TMEM52B: variants seen among roughly 807,000 people sequenced by gnomAD.
The protein encoded by TMEM52B is transmembrane protein 52B.
A neutral mutation model predicts 16.1 loss-of-function variants in TMEM52B; 11 were observed. The ratio of observed to expected loss-of-function variants is 0.68; its 90% CI spans 0.43 to 1.13. The LOEUF (loss-of-function observed/expected upper bound fraction) is 1.13, where lower values mean the gene tolerates loss of function less well. Ranked by LOEUF, TMEM52B falls within the 50% of genes most tolerant of loss-of-function variation. The pLI, the probability that TMEM52B is intolerant of heterozygous loss-of-function variation, is 0.00. For synonymous variants in TMEM52B, 101 were observed against 93.8 expected (o/e 1.08, Z -0.45); for missense variants, 243 against 230.4 (o/e 1.05, Z -0.35).
At chr12:10,171,118 T>A (rs999516510) in intron 1 of TMEM52B, among the ~76,000 whole-genome samples, 2 of 152,228 alleles carry the variant, frequency 1.3e-5, no homozygotes, top group Admixed American at 6.5e-5. Flanking sequence ...CCTATAAATA[T>A]CAGCAGTTTT....
At chr12:10,189,781 T>A in intron 4 of TMEM52B, 115 bp from the exon 5 acceptor site, 1 of 1,416,202 alleles carries the variant, frequency 7.1e-7, no homozygotes, top group Non-Finnish European at 9.5e-7. Context: ...GGAGTGACAA[T>A]GAGTTTGGAT....
intron 4 of TMEM52B, among the ~76,000 whole-genome samples, chr12:10,189,634 A>AG (rs1362562142): frequency 6.7e-6 from 1 of 149,200 alleles, no homozygotes; most frequent in East Asian, 1.9e-4. Flanking sequence ...AAAAAAAAAA[A>AG]AAAAAAAAGA....
chr12:10,186,729 T>C, intron 4 of TMEM52B, 140 bp downstream of exon 4: 5 of 869,448 alleles, frequency 5.8e-6, no homozygotes, highest in Non-Finnish European at 6.3e-6. Context: ...AGAAGCCTGA[T>C]GGTGCAGTGA....
At chr12:10,171,796 TAGTAAATACTC>T (rs1948720866) in intron 1 of TMEM52B, among the ~76,000 whole-genome samples, 1 of 152,240 alleles carries the variant, frequency 6.6e-6, no homozygotes, top group Admixed American at 6.5e-5. Flanking sequence ...GAATAACCTG[TAGTAAATACTC>T]AGTATAAATT....
Position 10,185,331 on chromosome 12 carries a change from T to C in TMEM52B, c.100T>C (p.Cys34Arg). The change falls in exon 3 of 5, where the codon TGC becomes CGC. Residue 34 changes from cysteine (C) to arginine (R), a missense_variant and splice_region_variant. Transcript: ENST00000543484. ...GAAAACTTTATTCTTTCTTTATAGT[T>C]GCCTGACCACAGACTGGGTACATCT... is the stretch of plus-strand genomic sequence containing the variant. The part of the protein sequence containing the change: ...CEENCGNPEH[C>R]LTTDWVHLWY... 1.2e-6 allele frequency: 2 copies of C among 1,603,982 alleles called. No homozygotes were observed. Among genetic ancestry groups the C allele is most frequent in the Non-Finnish European group, 1.7e-6 (2 of 1,170,730 alleles).
intron 4 of TMEM52B, among the ~76,000 whole-genome samples, chr12:10,188,503 AGG>A (rs1565428759): frequency 1.1e-5 from 1 of 94,476 alleles, no homozygotes; most frequent in East Asian, 2.9e-4. Flanking sequence ...GAAGGAAGGA[AGG>A]AAGGAAGGAA....
intron 1 of TMEM52B, chr12:10,172,392 A>C (rs1220356600): frequency 1.9e-5 from 4 of 209,486 alleles, no homozygotes; most frequent in Non-Finnish European, 3.9e-5. Context: ...CACTCTTCAG[A>C]GACAGAAACT....
chr12:10,181,007 A>C (rs190863341), intron 1 of TMEM52B, among the ~76,000 whole-genome samples: 112 of 152,128 alleles, frequency 7.4e-4, no homozygotes, highest in African/African-American at 2.6e-3. Context: ...GGGTTTCACC[A>C]TGTTGGTCAG....
Position 10,190,384 on chromosome 12 carries a change from T to TAGTTAC in TMEM52B, c.*245_*246insGTTACA. The TAGTTAC allele has an allele frequency of 2.1e-6, 1 of 477,364 alleles. No individual in the cohort carries two copies. Among genetic ancestry groups the TAGTTAC allele is most frequent in the Non-Finnish European group, 3.8e-6 (1 of 261,880 alleles). 29.6% of individuals were successfully genotyped at this position (477,364 alleles called of 1,614,324 possible). ...GCAAGTAATCTCTAGCCACACTGAT[T>TAGTTAC]ACTACTAAACCAGGAAAGCATCAAG... On this transcript the variant is annotated 3_prime_UTR_variant, in exon 5 of 5. Transcript: ENST00000543484.
Position 10,190,524 on chromosome 12 carries a change from A to T in TMEM52B, c.*384A>T. The T allele has an allele frequency of 4.3e-6, 1 of 232,414 alleles. No individual in the cohort carries two copies. The highest frequency in any genetic ancestry group is 9.6e-5 in the East Asian group (1 of 10,406). The allele number at this position is 232,414 out of a possible 1,614,324, so 14.4% of individuals were successfully genotyped here. A position where few individuals can be genotyped will look rare whatever the true frequency, so the allele number is the denominator to read the frequency against. On this transcript the variant is annotated 3_prime_UTR_variant, in exon 5 of 5. Transcript: ENST00000543484. The stretch of plus-strand genomic sequence containing the variant: ...CACTGCGGTTAACTGGAAAAGAAAG[A>T]CAACAGTGTCAGCACAGCCATCGAC...
intron 1 of TMEM52B, among the ~76,000 whole-genome samples, chr12:10,171,639 C>A (rs1948718967): frequency 1.3e-5 from 2 of 152,140 alleles, no homozygotes; most frequent in African/African-American, 4.8e-5. Context: ...AGCTCTACCA[C>A]TTATTAGCTC....
chr12:10,180,275 G>GTTTTTTTTTT (rs3053815), intron 1 of TMEM52B, among the ~76,000 whole-genome samples: 1 of 143,016 alleles, frequency 7.0e-6, no homozygotes, highest in Non-Finnish European at 1.5e-5. Flanking sequence ...TGTATGGTTT[G>GTTTTTTTTTT]TTTTTTTTTT....
chr12:10,176,529 G>T (rs1015738817), upstream of TMEM52B, among the ~76,000 whole-genome samples: 1 of 152,150 alleles, frequency 6.6e-6, no homozygotes. Context: ...GGCCAGGCTA[G>T]CAAGGAAAAA....
chr12:10,171,189 C>G (rs1242232679), intron 1 of TMEM52B, among the ~76,000 whole-genome samples: 5 of 152,176 alleles, frequency 3.3e-5, no homozygotes, highest in Non-Finnish European at 7.4e-5. Flanking sequence ...CTTATGTTCT[C>G]TATTGAGAGA....
upstream of TMEM52B, among the ~76,000 whole-genome samples, chr12:10,174,364 C>T (rs1318884075): frequency 6.6e-6 from 1 of 152,166 alleles, no homozygotes; most frequent in Non-Finnish European, 1.5e-5. Context: ...TGCTGGCCTT[C>T]TGTGTCTTCT....
At position 10,179,551 on chromosome 12, in the gene TMEM52B, C is replaced by A; in HGVS notation, c.-24C>A. 1 of 1,614,114 alleles carries A rather than the reference C, an allele frequency of 6.2e-7. No homozygotes were observed. Among genetic ancestry groups the A allele is most frequent in the Non-Finnish European group, 8.5e-7 (1 of 1,179,970 alleles). On this transcript the variant is annotated 5_prime_UTR_variant, in exon 1 of 5. In the 5' UTR this introduces an upstream ATG that the reference lacks. Transcript: ENST00000543484. Reference sequence around the variant, plus strand: ...GGCAACGGATGCCCAGTGCAAGATTCTGAAGAAGCAGGAATTCAGCCCGAT... The same window carrying A: ...GGCAACGGATGCCCAGTGCAAGATTATGAAGAAGCAGGAATTCAGCCCGAT...
chr12:10,187,603 T>A (rs1948896254), intron 4 of TMEM52B, among the ~76,000 whole-genome samples: 1 of 151,622 alleles, frequency 6.6e-6, no homozygotes, highest in African/African-American at 2.4e-5. Context: ...TTTATTTGTT[T>A]ATTTTTATTA....
In TMEM52B at chr12:10,179,600, C is replaced by T. The variant is rs768022750; in HGVS notation, c.26C>T (p.Ala9Val). 8.7e-6 allele frequency: 14 copies of T among 1,614,156 alleles called. No homozygotes were observed. The South Asian group carries it at 1.1e-4, about 13-fold the overall frequency. The change falls in exon 1 of 5, where the codon GCG (alanine) becomes GTG (valine). Residue 9 changes from alanine to valine, a missense_variant. Physicochemically the swap from Ala to Val is moderately conservative, Grantham distance 64. Transcript: ENST00000543484. ...ATGGGAGTCCGAGTTCATGTCGTGG[C>T]GGCCTCAGCCCTGCTGTATTTCATC... Reference protein sequence around the residue: MGVRVHVVAASALLYFILL... With the variant: MGVRVHVVVASALLYFILL...
chr12:10,175,053 A>T (rs1398696061), upstream of TMEM52B, among the ~76,000 whole-genome samples: 1 of 152,168 alleles, frequency 6.6e-6, no homozygotes, highest in Non-Finnish European at 1.5e-5. Flanking sequence ...TGTGTGGCAG[A>T]TAACTGGACA....
Sources: gnomAD v4.1 joint callset for allele counts (sites outside exome capture counted in the v4.1 genomes callset) on GRCh38, gnomAD v4.1.1 for gene constraint, MANE v1.5 for transcripts, NCBI Gene and HGNC (gene_info 2026-07-23, HGNC 2026-07-21) for gene names.